Variants in CYP4F12 observed in about 807,000 individuals in gnomAD.
CYP4F12 encodes the protein cytochrome P450 4F12.
In CYP4F12, 60 loss-of-function variants were observed where a neutral mutation model predicts 56.5. The observed-to-expected ratio is 1.06, with a 90% CI of 0.86 to 1.32. The LOEUF is 1.32. Among genes scored for constraint, CYP4F12 ranks in the 40% most tolerant of loss-of-function variants. The probability of loss-of-function intolerance (pLI) is 0.00; values close to 1 mark genes in which losing one functional copy is unlikely to be tolerated. For synonymous variants in CYP4F12, 263 were observed against 264.9 expected (o/e 0.99, Z 0.07); for missense variants, 711 against 683.5 (o/e 1.04, Z -0.45).
chr19:15,683,813 C>A, intron 7 of CYP4F12, 50 bp downstream of exon 7: 1 of 1,488,044 alleles, frequency 6.7e-7, no homozygotes, highest in South Asian at 1.4e-5. Flanking sequence ...AGCTTCATGT[C>A]AAATGTCAGG....
chr19:15,687,276 CAAAA>C (rs11306327), intron 9 of CYP4F12, among the ~76,000 whole-genome samples: 24 of 146,074 alleles, frequency 1.6e-4, no homozygotes, highest in African/African-American at 4.5e-4. Context: ...GACTCTTTCT[CAAAA>C]AAAAAAAAAA....
intron 1 of CYP4F12, 164 bp from the exon 2 acceptor site, chr19:15,673,365 G>A (rs1443552844): frequency 2.1e-5 from 16 of 746,708 alleles, no homozygotes; most frequent in Middle Eastern, 2.4e-4. Context: ...TTAGTTGTTG[G>A]TTTTGGTTGG....
At chr19:15,680,563 G>T in intron 5 of CYP4F12, 44 bp downstream of exon 5, 1 of 1,613,784 alleles carries the variant, frequency 6.2e-7, no homozygotes, top group Non-Finnish European at 8.5e-7. Context: ...TCTTGGGGTG[G>T]AGGGACCATG....
At chr19:15,696,667 T>C (rs745900806) in intron 12 of CYP4F12, among the ~76,000 whole-genome samples, 155 bp downstream of exon 12, 33 of 152,190 alleles carry the variant, frequency 2.2e-4, no homozygotes, top group Non-Finnish European at 3.5e-4. Flanking sequence ...GAGTAGGTCC[T>C]AGAGGGGTCC....
Position 15,673,123 on chromosome 19 carries a change from C to A in CYP4F12, c.-14C>A. ...AGAAGAGGTTGTGTGGGACAAGCTG[C>A]TCCCGACAGAAGGTACCAGGCTGGG... On this transcript the variant is annotated 5_prime_UTR_variant, in exon 1 of 13. Transcript: ENST00000550308. 1 of 424,594 alleles carries A rather than the reference C, an allele frequency of 2.4e-6. No individual in the cohort carries two copies. Among genetic ancestry groups the A allele is most frequent in the South Asian group, 1.7e-5 (1 of 57,514 alleles). 26.3% of individuals were successfully genotyped at this position (424,594 alleles called of 1,614,324 possible).
chr19:15,675,742 T>C (rs2006888368), intron 2 of CYP4F12, among the ~76,000 whole-genome samples: 1 of 152,198 alleles, frequency 6.6e-6, no homozygotes, highest in African/African-American at 2.4e-5. Flanking sequence ...CCAGACACGC[T>C]GCTCACTGCA....
chr19:15,692,108 T>C (rs937135322), intron 9 of CYP4F12, among the ~76,000 whole-genome samples: 1 of 152,006 alleles, frequency 6.6e-6, no homozygotes, highest in Non-Finnish European at 1.5e-5. Flanking sequence ...ACAGGCACCC[T>C]CCACCACGCC....
chr19:15,696,840 G>A (rs1260625120), intron 12 of CYP4F12, 68 bp from the exon 13 acceptor site: 24 of 1,524,454 alleles, frequency 1.6e-5, no homozygotes, highest in Non-Finnish European at 2.0e-5. Flanking sequence ...TCCCAGGCCA[G>A]GTTCCTGGGT....
rs1012360935 is a variant in CYP4F12 at position 15,696,625 on chromosome 19, A to T, written c.1397+113A>T. Reference sequence around the variant, plus strand: ...GCTCTCCTTCCCTCCATTCCTTCACAGTTTATGGGAAAACGTCCATAGAAT... The same window carrying T: ...GCTCTCCTTCCCTCCATTCCTTCACTGTTTATGGGAAAACGTCCATAGAAT... On this transcript the variant is annotated intron_variant, in intron 12 of 12. Coordinates refer to ENST00000550308, the MANE Select transcript of CYP4F12 (RefSeq NM_023944.4). 3.0e-6 allele frequency: 4 copies of T among 1,318,610 alleles called. No homozygotes were observed. The African/African-American group carries it at 5.9e-5, about 19-fold the overall frequency. The allele number at this position is 1,318,610 out of a possible 1,614,324, so 81.7% of individuals were successfully genotyped here. A position where few individuals can be genotyped will look rare whatever the true frequency, so the allele number is the denominator to read the frequency against.
In CYP4F12 at chr19:15,696,226, G is replaced by A. The variant is rs552981017; in HGVS notation, c.1314+1G>A. On this transcript the variant is annotated splice_donor_variant, in intron 11 of 12. Coordinates refer to ENST00000550308, the MANE Select transcript of CYP4F12 (RefSeq NM_023944.4). LOFTEE classifies it high-confidence loss of function. ...CCCAACTGTGTGGCCGGATCCTGAG[G>A]TGCTGCCTTCCCCATTCACCACCAC... The A allele has an allele frequency of 6.2e-7, 1 of 1,614,056 alleles. No homozygotes were observed. The highest frequency in any genetic ancestry group is 1.3e-5 in the African/African-American group (1 of 74,998).
chr19:15,685,596 T>C (rs1010057856), intron 9 of CYP4F12, among the ~76,000 whole-genome samples: 2 of 152,270 alleles, frequency 1.3e-5, no homozygotes, highest in South Asian at 4.2e-4. Context: ...TTAGTAGTAC[T>C]AGGAGCAGAG....
intron 9 of CYP4F12, among the ~76,000 whole-genome samples, chr19:15,688,341 AAAACAAAC>A (rs373027419): frequency 6.9e-6 from 1 of 145,228 alleles, no homozygotes; most frequent in Non-Finnish European, 1.5e-5. Context: ...CTCACAGGGC[AAAACAAAC>A]AAACAAAAAA....
intron 9 of CYP4F12, among the ~76,000 whole-genome samples, chr19:15,694,586 T>G (rs1004469930): frequency 5.3e-5 from 8 of 152,332 alleles, no homozygotes; most frequent in East Asian, 1.9e-4. Flanking sequence ...AAGGAGATTT[T>G]GGGCTGAGAC....
At chr19:15,677,180 C>A (rs1415157789) in intron 2 of CYP4F12, among the ~76,000 whole-genome samples, 1 of 133,608 alleles carries the variant, frequency 7.5e-6, no homozygotes. Context: ...CTCACTAATT[C>A]CAATACCAAC....
rs554464390 is a variant in CYP4F12 at position 15,682,395 on chromosome 19, T to A, written c.532T>A (p.Trp178Arg). 1 of 1,612,886 alleles carries A rather than the reference T, an allele frequency of 6.2e-7. No homozygotes were observed. The highest frequency in any genetic ancestry group is 1.3e-5 in the African/African-American group (1 of 75,036). Residue 178 changes from tryptophan (W) to arginine (R), a missense_variant, in exon 6 of 13, where the codon TGG becomes AGG. Coordinates refer to ENST00000550308, the MANE Select transcript of CYP4F12 (RefSeq NM_023944.4). ...NKSANIMLDK[W>R]QHLASEGSSR... is the part of the protein sequence containing the mutation. ...TCTTCCCTTCTCTGGCCAGGACAAG[T>A]GGCAGCACCTGGCCTCAGAGGGCAG...
In CYP4F12 at chr19:15,696,052, G is replaced by A; in HGVS notation, c.1232G>A (p.Gly411Asp). ...CCTQDIVLPD[G>D]RVIPKGITCL... ...ACCCAGGACATTGTTCTCCCAGATG[G>A]CCGAGTCATCCCCAAAGGTGCCCAC... Residue 411 changes from glycine to aspartate, a missense_variant, in exon 10 of 13, where the codon GGC becomes GAC. Coordinates refer to ENST00000550308, the MANE Select transcript of CYP4F12 (RefSeq NM_023944.4). The A allele has an allele frequency of 6.2e-7, 1 of 1,613,680 alleles. No individual in the cohort carries two copies.
At chr19:15,695,628 T>C (rs1440935923) in intron 9 of CYP4F12, among the ~76,000 whole-genome samples, 1 of 152,216 alleles carries the variant, frequency 6.6e-6, no homozygotes, top group Non-Finnish European at 1.5e-5. Flanking sequence ...TTGTTATTCA[T>C]TTGCATTTGA....
chr19:15,684,203 C>G (rs1375326244), intron 7 of CYP4F12: 1 of 156,614 alleles, frequency 6.4e-6, no homozygotes, highest in Non-Finnish European at 1.4e-5. Flanking sequence ...GAATTTGCAC[C>G]AAGGAGAGGG....
Position 15,673,805 on chromosome 19 carries a change from C to T in CYP4F12, c.198+78C>T. On this transcript the variant is annotated intron_variant, in intron 2 of 12. Transcript: ENST00000550308. Reference sequence around the variant, plus strand: ...AGGAGCAGGAATGGGGCTCAGTGAGCTAGGTATTGATGGTGGCTGGGGTCT... The same window carrying T: ...AGGAGCAGGAATGGGGCTCAGTGAGTTAGGTATTGATGGTGGCTGGGGTCT... The T allele has an allele frequency of 1.4e-5, 22 of 1,540,652 alleles. 1 individual carries two copies. The highest frequency in any genetic ancestry group is 1.9e-5 in the Non-Finnish European group (21 of 1,130,780).
Sources: allele counts gnomAD v4.1 joint callset (sites outside exome capture counted in the v4.1 genomes callset), GRCh38; gene constraint gnomAD v4.1.1; transcripts MANE v1.5; gene names NCBI Gene and HGNC (gene_info 2026-07-23, HGNC 2026-07-21).